The following IL5RA variants were observed in gnomAD, a reference collection of about 807,000 sequenced individuals.
IL5RA encodes the protein interleukin 5 receptor subunit alpha.
In IL5RA, 49 loss-of-function variants were observed where a neutral mutation model predicts 50.0. That is an observed-to-expected ratio of 0.98 (90% CI 0.78 to 1.24). IL5RA has a LOEUF of 1.24. Ranked by LOEUF, IL5RA falls within the 50% of genes most tolerant of loss-of-function variation. IL5RA has a pLI of 0.00. For missense variants in IL5RA, 600 were observed against 500.4 expected, an observed-to-expected ratio of 1.20 and a Z score of -1.90; for synonymous variants, 202 against 174.0, an observed-to-expected ratio of 1.16 and a Z score of -1.26.
At chr3:3,079,469 T>C (rs1326724557) in intron 9 of IL5RA, among the ~76,000 whole-genome samples, 5 of 152,198 alleles carry the variant, frequency 3.3e-5, no homozygotes, top group Admixed American at 6.5e-5. Flanking sequence ...CCTTGGTTCA[T>C]GTCGTCACTG....
intron 11 of IL5RA, among the ~76,000 whole-genome samples, chr3:3,071,115 A>C (rs1266589963): frequency 6.6e-6 from 1 of 152,194 alleles, no homozygotes; most frequent in African/African-American, 2.4e-5. Context: ...AAGAGATCCT[A>C]TTCCTTTATC....
chr3:3,076,863 C>G (rs976682287), intron 9 of IL5RA, among the ~76,000 whole-genome samples: 5 of 152,168 alleles, frequency 3.3e-5, no homozygotes, highest in African/African-American at 1.2e-4. Context: ...AGTGAGGCCA[C>G]TTTTATTCTT....
At position 3,104,925 on chromosome 3, in the gene IL5RA, A is replaced by C; in HGVS notation, c.60T>G (p.Ala20=). 6.2e-7 allele frequency: 1 copy of C among 1,611,212 alleles called. No homozygotes were observed. The highest frequency in any genetic ancestry group is 8.5e-7 in the Non-Finnish European group (1 of 1,177,426). ...TACTCTTTTCATCAGGAAGTAAGTC[A>C]GCTTGCAGTATCTCAGTGGCCCCCA... ...ILLGATEILQ[A]DLLPDEKISL... Residue 20 remains alanine (A), a synonymous_variant, in exon 3 of 12, where the codon GCT becomes GCG. Coordinates refer to ENST00000446632, the MANE Select transcript of IL5RA (RefSeq NM_175726.4).
intron 9 of IL5RA, among the ~76,000 whole-genome samples, chr3:3,091,193 C>G (rs1328531934): frequency 1.3e-5 from 2 of 152,118 alleles, no homozygotes; most frequent in East Asian, 3.8e-4. Flanking sequence ...CTATAGATTA[C>G]ACAGTTTTGG....
At chr3:3,091,740 C>A (rs1200454248) in intron 9 of IL5RA, 1 of 155,508 alleles carries the variant, frequency 6.4e-6, no homozygotes, top group Non-Finnish European at 1.4e-5. Flanking sequence ...CAAAAAGAAA[C>A]AAAAAAACAA....
intron 9 of IL5RA, among the ~76,000 whole-genome samples, chr3:3,083,903 GC>G (rs1702754406): frequency 6.6e-6 from 1 of 152,096 alleles, no homozygotes; most frequent in Admixed American, 6.5e-5. Context: ...TACAAAATTA[GC>G]CAGGCGGGGT....
intron 8 of IL5RA, among the ~76,000 whole-genome samples, chr3:3,094,652 ATTCTAT>A (rs1209481331): frequency 6.6e-6 from 1 of 152,114 alleles, no homozygotes; most frequent in African/African-American, 2.4e-5. Flanking sequence ...TCGTATGGGA[ATTCTAT>A]TTCTAATTTT....
At chr3:3,076,452 C>T in intron 10 of IL5RA, 79 bp downstream of exon 10, 1 of 895,080 alleles carries the variant, frequency 1.1e-6, no homozygotes, top group Non-Finnish European at 1.8e-6. Flanking sequence ...GAACCCTCTG[C>T]CTACCGGATG....
chr3:3,074,635 A>C, intron 11 of IL5RA, 147 bp downstream of exon 11: 1 of 574,346 alleles, frequency 1.7e-6, no homozygotes, highest in Non-Finnish European at 3.1e-6. Flanking sequence ...TCAGCCAAAG[A>C]ACAGAATGAC....
chr3:3,070,266 C>G lies in IL5RA; in HGVS notation c.1222G>C (p.Glu408Gln), dbSNP rs868279092. 1 of 1,613,630 alleles carries G rather than the reference C, an allele frequency of 6.2e-7. No homozygotes were observed. Residue 408 changes from glutamate (E) to glutamine (Q), a missense_variant, in exon 12 of 12, where the codon GAG becomes CAG. Coordinates refer to ENST00000446632, the MANE Select transcript of IL5RA (RefSeq NM_175726.4). ...TCCAGGGTCTCAACTCCAGGCTTCT[C>G]TATATAACAGATGACTTCAATTTCC... ...ETEIEVICYI[E>Q]KPGVETLEDS...
At chr3:3,077,352 G>A (rs934781928) in intron 9 of IL5RA, among the ~76,000 whole-genome samples, 2 of 152,264 alleles carry the variant, frequency 1.3e-5, no homozygotes, top group Middle Eastern at 3.4e-3. Flanking sequence ...TGCACAACGT[G>A]CAGGTTTGTT....
chr3:3,075,851 T>C (rs1015052901), intron 10 of IL5RA, among the ~76,000 whole-genome samples: 7 of 151,846 alleles, frequency 4.6e-5, no homozygotes, highest in Admixed American at 6.6e-5. Context: ...CCACCCGCTG[T>C]GGCCTCCCAA....
rs1373161021 is a variant in IL5RA, at chr3:3,066,861, A to G, written c.*3364T>C. Reference sequence around the variant, plus strand: ...CCCAGCACTCCCCCATGCTGCACGCAGTGAATTCCAAATGCCAAGGAAAGA... The same window carrying G: ...CCCAGCACTCCCCCATGCTGCACGCGGTGAATTCCAAATGCCAAGGAAAGA... On this transcript the variant is annotated 3_prime_UTR_variant, in exon 12 of 12. Coordinates refer to ENST00000446632, the MANE Select transcript of IL5RA (RefSeq NM_175726.4). The G allele has an allele frequency of 2.0e-5, 3 of 152,262 alleles. No individual in the cohort carries two copies. The highest frequency in any genetic ancestry group is 2.0e-4 in the Admixed American group (3 of 15,282). 9.4% of individuals were successfully genotyped at this position (152,262 alleles called of 1,614,324 possible).
chr3:3,090,158 T>C (rs1703026435), intron 9 of IL5RA: 1 of 1,576,868 alleles, frequency 6.3e-7, no homozygotes, highest in Non-Finnish European at 8.7e-7. Flanking sequence ...TAAATAAAAA[T>C]TAAAAAACAC....
In IL5RA at chr3:3,067,532, T is replaced by C. The variant is rs1277670431; in HGVS notation, c.*2693A>G. Reference sequence around the variant, plus strand: ...CAGCTGTTAATGGTATATTCTACAATGCAGTAGCTCTAACACGGGTATGAG... The same window carrying C: ...CAGCTGTTAATGGTATATTCTACAACGCAGTAGCTCTAACACGGGTATGAG... On this transcript the variant is annotated 3_prime_UTR_variant, in exon 12 of 12. Transcript: ENST00000446632. The C allele has an allele frequency of 2.6e-5, 4 of 152,232 alleles. No homozygotes were observed. The highest frequency in any genetic ancestry group is 9.6e-5 in the African/African-American group (4 of 41,466). 9.4% of individuals were successfully genotyped at this position (152,232 alleles called of 1,614,324 possible).
At chr3:3,100,658 G>A (rs1703603796) in intron 5 of IL5RA, among the ~76,000 whole-genome samples, 1 of 152,154 alleles carries the variant, frequency 6.6e-6, no homozygotes, top group South Asian at 2.1e-4. Flanking sequence ...AGGATAATTA[G>A]AATTGTAGAA....
At chr3:3,099,742 T>C (rs1163369066) in intron 5 of IL5RA, among the ~76,000 whole-genome samples, 1 of 151,770 alleles carries the variant, frequency 6.6e-6, no homozygotes, top group Non-Finnish European at 1.5e-5. Context: ...TGATCTCAGC[T>C]CACTGCAACC....
At chr3:3,093,409 T>C (rs1240878249) in intron 8 of IL5RA, among the ~76,000 whole-genome samples, 2 of 152,220 alleles carry the variant, frequency 1.3e-5, no homozygotes, top group Non-Finnish European at 2.9e-5. Context: ...AATTTGACAT[T>C]GCCATGATAT....
rs79635367 is a variant in IL5RA, at chr3:3,087,636, T to TG, written c.994+4587dup. On this transcript the variant is annotated intron_variant, in intron 9 of 11. Coordinates refer to ENST00000446632, the MANE Select transcript of IL5RA (RefSeq NM_175726.4). ...CCTCCATTTTCTTACATTAAAATAA[T>TG]GGGGGGGAAATTAATAACTATGAAA... Among the ~76,000 whole-genome samples the TG allele has an allele frequency of 6.2e-3, 932 of 151,176 alleles. 7 individuals are homozygous for TG. Among genetic ancestry groups the TG allele is most frequent in the African/African-American group, 7.4e-3 (304 of 41,110 alleles).
Sources: gnomAD v4.1 joint callset for allele counts (sites outside exome capture counted in the v4.1 genomes callset) on GRCh38, gnomAD v4.1.1 for gene constraint, MANE v1.5 for transcripts, NCBI Gene and HGNC (gene_info 2026-07-23, HGNC 2026-07-21) for gene names.